The following PPP2R1A variants were observed in gnomAD, a reference collection of about 807,000 sequenced individuals.
The protein encoded by PPP2R1A is protein phosphatase 2 scaffold subunit Aalpha, also known as serine/threonine-protein phosphatase 2A 65 kDa regulatory subunit A alpha isoform.
In PPP2R1A, 15 loss-of-function variants were observed where a neutral mutation model predicts 67.1. That is an observed-to-expected ratio of 0.22 (90% CI 0.15 to 0.34). PPP2R1A has a LOEUF of 0.34. Ranked by LOEUF, PPP2R1A falls within the 10% of genes least tolerant of loss-of-function variation. The pLI, the probability that PPP2R1A is intolerant of heterozygous loss-of-function variation, is 1.00. For missense variants in PPP2R1A, 369 were observed against 775.0 expected (o/e 0.48, Z 6.22); for synonymous variants, 337 against 325.0 (o/e 1.04, Z -0.40).
chr19:52,201,783 G>T, intron 1 of PPP2R1A, 161 bp from the exon 2 acceptor site: 1 of 603,648 alleles, frequency 1.7e-6, no homozygotes, highest in Non-Finnish European at 3.0e-6. Flanking sequence ...ATTCCCTCGA[G>T]GTCACAGGGT....
intron 3 of PPP2R1A, among the ~76,000 whole-genome samples, chr19:52,206,433 A>G (rs1044069560): frequency 4.6e-5 from 7 of 152,024 alleles, no homozygotes; most frequent in African/African-American, 1.4e-4. Flanking sequence ...GGTTATGAAA[A>G]CCTTTTTAAA....
chr19:52,216,515 C>A lies in PPP2R1A; in HGVS notation c.994-14C>A, dbSNP rs761860948. ...GTTGCACTGACCCCTGTGCCTGCCTCTTCTCTCTCCCAGGAGCTGGTGTCC... is the reference window on the plus strand; with the variant it reads ...GTTGCACTGACCCCTGTGCCTGCCTATTCTCTCTCCCAGGAGCTGGTGTCC... On this transcript the variant is annotated splice_polypyrimidine_tract_variant and intron_variant, in intron 8 of 14. Transcript: ENST00000322088. The surrounding 1 kb of genome is among the most constrained non-coding windows in gnomAD (Gnocchi z 4.3). The A allele has an allele frequency of 6.8e-6, 11 of 1,614,146 alleles. No individual in the cohort carries two copies. Among genetic ancestry groups the A allele is most frequent in the Non-Finnish European group, 8.5e-6 (10 of 1,180,020 alleles).
intron 13 of PPP2R1A, among the ~76,000 whole-genome samples, chr19:52,222,856 G>A (rs141072301): frequency 0.012 from 1,850 of 152,298 alleles, 41 homozygotes; most frequent in African/African-American, 0.042. Flanking sequence ...CAGCCTGGGC[G>A]ATAGAGCGAG....
chr19:52,215,549 G>A (rs112898085), intron 6 of PPP2R1A, among the ~76,000 whole-genome samples: 1 of 152,238 alleles, frequency 6.6e-6, no homozygotes, highest in African/African-American at 2.4e-5. Flanking sequence ...ACAACACCGT[G>A]AGGTAGGTGC....
chr19:52,219,085 G>A lies in PPP2R1A; in HGVS notation c.1129-606G>A, dbSNP rs1405571044. ...AAAATAAGTCTTTTTAAATGGGTGA[G>A]GTATAGTCTCTGAGCCTTCTCTTCT... On this transcript the variant is annotated intron_variant, in intron 9 of 14. Transcript: ENST00000322088. This position sits in a 1 kb window ranked among gnomAD's most constrained non-coding sequence, Gnocchi z 4.0. 6.6e-6 allele frequency among the ~76,000 whole-genome samples: 1 copy of A among 152,190 alleles called. No homozygotes were observed. The highest frequency in any genetic ancestry group is 2.4e-5 in the African/African-American group (1 of 41,430).
chr19:52,216,709 C>A lies in PPP2R1A; in HGVS notation c.1128+46C>A. The A allele has an allele frequency of 1.2e-6, 2 of 1,613,216 alleles. No homozygotes were observed. The highest frequency in any genetic ancestry group is 4.5e-5 in the East Asian group (2 of 44,846). On this transcript the variant is annotated intron_variant, in intron 9 of 14. Transcript: ENST00000322088. This position sits in a 1 kb window ranked among gnomAD's most constrained non-coding sequence, Gnocchi z 4.3. ...GCTCTGGGTTTGTGGAGGGGACAGG[C>A]GGGTCTTCCTAGATTGCTAGGGTTT...
chr19:52,215,747 C>T, intron 6 of PPP2R1A, 32 bp from the exon 7 acceptor site: 1 of 1,590,246 alleles, frequency 6.3e-7, no homozygotes, highest in Non-Finnish European at 8.6e-7. Flanking sequence ...GCCAGCCCCT[C>T]TCACTCTCCC....
At position 52,225,928 on chromosome 19, in the gene PPP2R1A, C is replaced by T. The variant is rs778313147; in HGVS notation, c.1754-37C>T. On this transcript the variant is annotated intron_variant, in intron 14 of 14. Transcript: ENST00000322088. ...CTTGGCATTGTGGGCAGAGAGAGGG[C>T]TCTGGTTCTGATTCTTGCCTGTTCC... is the stretch of plus-strand genomic sequence containing the variant. The T allele has an allele frequency of 3.7e-6, 6 of 1,614,208 alleles. No individual in the cohort carries two copies. In the South Asian group the frequency reaches 6.6e-5, roughly 18 times the overall value.
Position 52,221,080 on chromosome 19 carries a change from A to G in PPP2R1A, c.1465A>G (p.Met489Val). Residue 489 changes from methionine to valine, a missense_variant, in exon 12 of 15, where the codon ATG becomes GTG. Coordinates refer to ENST00000322088, the MANE Select transcript of PPP2R1A (RefSeq NM_014225.6). ...HATIIPKVLAMSGDPNYLHRM... is the reference protein window; with the variant it reads ...HATIIPKVLAVSGDPNYLHRM... The stretch of plus-strand genomic sequence containing the variant: ...CACAATCATCCCCAAGGTCTTGGCC[A>G]TGTCCGGAGACCCCAACTACCTGCA... 1 of 1,614,250 alleles carries G rather than the reference A, an allele frequency of 6.2e-7. No homozygotes were observed. Among genetic ancestry groups the G allele is most frequent in the Non-Finnish European group, 8.5e-7 (1 of 1,180,034 alleles).
chr19:52,217,991 G>A (rs920261980), intron 9 of PPP2R1A, among the ~76,000 whole-genome samples: 3 of 152,258 alleles, frequency 2.0e-5, no homozygotes, highest in African/African-American at 4.8e-5. Flanking sequence ...AGACCAAACC[G>A]GAGGCTGTGG....
intron 11 of PPP2R1A, 75 bp downstream of exon 11, chr19:52,220,324 C>A: frequency 6.6e-7 from 1 of 1,523,046 alleles, no homozygotes; most frequent in African/African-American, 1.4e-5. Flanking sequence ...GGGGCTGTGG[C>A]GGGCAGTGGA....
intron 2 of PPP2R1A, among the ~76,000 whole-genome samples, chr19:52,205,463 G>T (rs1464397743): frequency 6.6e-6 from 1 of 152,102 alleles, no homozygotes; most frequent in African/African-American, 2.4e-5. Context: ...GAGAGACTGA[G>T]CCCAGAGAAG....
rs1376653313 is a variant in PPP2R1A at position 52,216,175 on chromosome 19, C to T, written c.993+101C>T. 4.5e-6 allele frequency: 6 copies of T among 1,339,174 alleles called. No homozygotes were observed. The highest frequency in any genetic ancestry group is 2.9e-5 in the African/African-American group (2 of 69,328). The allele number at this position is 1,339,174 out of a possible 1,614,324, so 83.0% of individuals were successfully genotyped here. On this transcript the variant is annotated intron_variant, in intron 8 of 14. Coordinates refer to ENST00000322088, the MANE Select transcript of PPP2R1A (RefSeq NM_014225.6). The surrounding 1 kb of genome is among the most constrained non-coding windows in gnomAD (Gnocchi z 4.3). ...GGATAGTCAGCTGCAAACTAGGTTC[C>T]CAGCCCTCTGGGACCAGGCAGCTCT...
chr19:52,223,479 A>G (rs112206509), intron 13 of PPP2R1A, among the ~76,000 whole-genome samples: 22 of 152,324 alleles, frequency 1.4e-4, no homozygotes, highest in African/African-American at 4.6e-4. Flanking sequence ...ATGTTTTAAT[A>G]TATGTTTCTG....
At chr19:52,194,069 G>A (rs73575024) in intron 1 of PPP2R1A, among the ~76,000 whole-genome samples, 8,515 of 122,254 alleles carry the variant, frequency 0.07, 309 homozygotes, top group Middle Eastern at 0.19. Context: ...GAGCCTGGGC[G>A]ACAGCAAGAC....
At chr19:52,207,076 C>A (rs1318063609) in intron 3 of PPP2R1A, among the ~76,000 whole-genome samples, 1 of 152,114 alleles carries the variant, frequency 6.6e-6, no homozygotes, top group South Asian at 2.1e-4. Context: ...TTGATAGTTA[C>A]CATTAAATTC....
At chr19:52,205,396 T>C (rs535847146) in intron 2 of PPP2R1A, among the ~76,000 whole-genome samples, 31 of 152,178 alleles carry the variant, frequency 2.0e-4, no homozygotes, top group Non-Finnish European at 3.4e-4. Context: ...GAGCCAGTCC[T>C]GGGCTCGCTG....
intron 12 of PPP2R1A, among the ~76,000 whole-genome samples, 176 bp downstream of exon 12, chr19:52,221,309 G>T (rs1978912173): frequency 6.6e-6 from 1 of 152,200 alleles, no homozygotes; most frequent in South Asian, 2.1e-4. Flanking sequence ...GGGGCTCCCA[G>T]GGTCAGGGTC....
intron 3 of PPP2R1A, among the ~76,000 whole-genome samples, chr19:52,206,777 A>G (rs2089607318): frequency 6.6e-6 from 1 of 152,146 alleles, no homozygotes; most frequent in Admixed American, 6.5e-5. Flanking sequence ...AGAGAAGATG[A>G]TCTGGGAAGG....
Sources: gnomAD v4.1 joint callset for allele counts (sites outside exome capture counted in the v4.1 genomes callset) on GRCh38, gnomAD v4.1.1 for gene constraint, Gnocchi (gnomAD v3.1) non-coding constraint, MANE v1.5 for transcripts, NCBI Gene and HGNC (gene_info 2026-07-23, HGNC 2026-07-21) for gene names.